GMDS: variants seen among roughly 807,000 people sequenced by gnomAD.
GMDS encodes GDP-mannose 4,6-dehydratase.
Under a neutral mutation model 49.9 loss-of-function variants are expected in GMDS, and 20 were observed. That is an observed-to-expected ratio of 0.40 (90% CI 0.28 to 0.58). The LOEUF (loss-of-function observed/expected upper bound fraction) is 0.58. Among genes scored for constraint, GMDS ranks in the 20% least tolerant of loss-of-function variants. The pLI, the probability that GMDS is intolerant of heterozygous loss-of-function variation, is 0.42. For missense variants in GMDS, 362 were observed against 481.4 expected, an observed-to-expected ratio of 0.75 and a Z score of 2.32; for synonymous variants, 177 against 178.6, an observed-to-expected ratio of 0.99 and a Z score of 0.07.
At chr6:1,671,225 A>G (rs965307158) in intron 9 of GMDS, among the ~76,000 whole-genome samples, 3 of 152,196 alleles carry the variant, frequency 2.0e-5, no homozygotes, top group African/African-American at 7.2e-5. Context: ...TGCCCTTCAG[A>G]GTCTGGTGGC....
At chr6:1,831,314 G>A (rs540783189) in intron 7 of GMDS, among the ~76,000 whole-genome samples, 4 of 152,202 alleles carry the variant, frequency 2.6e-5, no homozygotes, top group Non-Finnish European at 5.9e-5. Context: ...CTGTACTCTG[G>A]ATCTGCCACT....
rs79648388 is a variant in GMDS at position 1,644,263 on chromosome 6, G to A, written c.988-19723C>T. 1.7e-3 allele frequency among the ~76,000 whole-genome samples: 261 copies of A among 152,300 alleles called. 8 individuals are homozygous for A. In the East Asian group the frequency reaches 0.044, roughly 26 times the overall value. ...CCCGAGCGAACGTGTGAACGATAGC[G>A]GATGGCACTGCAGCTGTGACTAGGG... On this transcript the variant is annotated intron_variant, in intron 9 of 10. Transcript: ENST00000380815.
At chr6:1,997,507 C>CAAAA (rs542421435) in intron 4 of GMDS, among the ~76,000 whole-genome samples, 7 of 61,600 alleles carry the variant, frequency 1.1e-4, no homozygotes, top group African/African-American at 3.7e-4. Context: ...GACTCTGTCT[C>CAAAA]AAAAAAAAAA....
In GMDS at chr6:1,874,823, T is replaced by C. The variant is rs192775616; in HGVS notation, c.771+55280A>G. 5.3e-5 allele frequency among the ~76,000 whole-genome samples: 8 copies of C among 152,224 alleles called. No individual in the cohort carries two copies. In the South Asian group the frequency reaches 6.2e-4, roughly 12 times the overall value. On this transcript the variant is annotated intron_variant, in intron 7 of 10. Transcript: ENST00000380815. ...GTGAAAATGTGCTCTAGAAAACAGA[T>C]GACCAAAAAGTGTCTCGTAGTAATA...
chr6:1,724,448 T>A (rs1051787322), intron 9 of GMDS, among the ~76,000 whole-genome samples: 1 of 152,192 alleles, frequency 6.6e-6, no homozygotes, highest in African/African-American at 2.4e-5. Context: ...TTCTGTGTCC[T>A]TATCAATCCC....
intron 1 of GMDS, among the ~76,000 whole-genome samples, chr6:2,172,605 T>C (rs953730794): frequency 3.3e-5 from 5 of 152,040 alleles, no homozygotes; most frequent in South Asian, 2.1e-4. Context: ...AGGCAGAGAA[T>C]TGCTTGAACC....
chr6:1,977,873 T>C (rs1354726074), intron 4 of GMDS, among the ~76,000 whole-genome samples: 1 of 152,128 alleles, frequency 6.6e-6, no homozygotes, highest in Non-Finnish European at 1.5e-5. Context: ...AAGCTTTACA[T>C]ACTCCAGCCC....
At position 1,624,176 on chromosome 6, in the gene GMDS, T is replaced by G; in HGVS notation, c.1112A>C (p.Asn371Thr). Residue 371 changes from asparagine to threonine, a missense_variant, in exon 11 of 11, where the codon AAT (asparagine) becomes ACT (threonine). Physicochemically the swap from Asn to Thr is moderately conservative, Grantham distance 65. Transcript: ENST00000380815. ...CGGGCTCCGAGGCGCTGCTCAGGCA[T>G]TGGGGTTTGTCCTCATGAGCTCCAC... The part of the protein sequence containing the change: ...ADVELMRTNP[N>T]A The G allele has an allele frequency of 1.9e-6, 3 of 1,609,486 alleles. No homozygotes were observed. The highest frequency in any genetic ancestry group is 2.5e-6 in the Non-Finnish European group (3 of 1,179,510).
chr6:2,143,347 C>T (rs186002772), intron 1 of GMDS, among the ~76,000 whole-genome samples: 83 of 152,278 alleles, frequency 5.5e-4, no homozygotes, highest in Non-Finnish European at 9.1e-4. Flanking sequence ...CAGAGCCACA[C>T]GGGCTCTCCT....
chr6:2,123,178 A>T (rs569800611), intron 2 of GMDS, among the ~76,000 whole-genome samples: 18 of 152,220 alleles, frequency 1.2e-4, no homozygotes, highest in African/African-American at 4.3e-4. Context: ...CCATCTACAC[A>T]TCCAAACTCG....
At chr6:1,807,708 A>AT (rs1770240325) in intron 7 of GMDS, among the ~76,000 whole-genome samples, 1 of 152,244 alleles carries the variant, frequency 6.6e-6, no homozygotes, top group Non-Finnish European at 1.5e-5. Context: ...GTGGAAAGTA[A>AT]TTAATCTCCA....
At chr6:1,885,225 G>A (rs1759545919) in intron 7 of GMDS, among the ~76,000 whole-genome samples, 1 of 152,136 alleles carries the variant, frequency 6.6e-6, no homozygotes, top group Non-Finnish European at 1.5e-5. Context: ...TATTAGAAAA[G>A]CCTGCATGGA....
chr6:2,103,178 G>A (rs912307388), intron 4 of GMDS, among the ~76,000 whole-genome samples: 2 of 152,090 alleles, frequency 1.3e-5, no homozygotes, highest in South Asian at 2.1e-4. Context: ...CTCGCAAACC[G>A]CATTCCCTTC....
intron 9 of GMDS, among the ~76,000 whole-genome samples, chr6:1,722,062 CTTTTTTTTTTTT>C (rs11356149): frequency 1.2e-5 from 1 of 80,232 alleles, no homozygotes; most frequent in African/African-American, 5.3e-5. Context: ...GCTATCACGT[CTTTTTTTTTTTT>C]TTTTTTTTTT....
chr6:1,643,372 A>G (rs1763390709), intron 9 of GMDS, among the ~76,000 whole-genome samples: 1 of 152,152 alleles, frequency 6.6e-6, no homozygotes, highest in South Asian at 2.1e-4. Context: ...CTGACTGCCC[A>G]CGGGGCAGCT....
intron 4 of GMDS, among the ~76,000 whole-genome samples, chr6:2,035,719 C>T (rs541272303): frequency 1.2e-4 from 18 of 152,016 alleles, no homozygotes; most frequent in Non-Finnish European, 2.4e-4. Context: ...TGGAGTCTCG[C>T]TCTGTCACCC....
intron 7 of GMDS, among the ~76,000 whole-genome samples, chr6:1,751,723 A>C (rs1767740780): frequency 6.6e-6 from 1 of 152,122 alleles, no homozygotes. Flanking sequence ...TGATCTCCTG[A>C]CTTTGTGATC....
intron 7 of GMDS, among the ~76,000 whole-genome samples, chr6:1,856,540 G>A (rs968729128): frequency 6.6e-6 from 1 of 152,356 alleles, no homozygotes; most frequent in African/African-American, 2.4e-5. Context: ...TGCAGCTGCA[G>A]TGGACTCCTT....
chr6:1,697,078 C>A (rs961720297), intron 9 of GMDS, among the ~76,000 whole-genome samples: 3 of 152,178 alleles, frequency 2.0e-5, no homozygotes, highest in African/African-American at 4.8e-5. Context: ...ACAGCCCATG[C>A]GTTACTTCAG....
Sources: gnomAD v4.1 joint callset for allele counts (sites outside exome capture counted in the v4.1 genomes callset) on GRCh38, gnomAD v4.1.1 for gene constraint, MANE v1.5 for transcripts, NCBI Gene and HGNC (gene_info 2026-07-23, HGNC 2026-07-21) for gene names.